AP1G1: variants seen among roughly 807,000 people sequenced by gnomAD.
AP1G1 encodes AP-1 complex subunit gamma-1.
A neutral mutation model predicts 108.3 loss-of-function variants in AP1G1; 7 were observed. The ratio of observed to expected loss-of-function variants is 0.06; its 90% CI spans 0.04 to 0.12. The LOEUF is 0.12. Ranked by LOEUF, AP1G1 falls within the 10% of genes least tolerant of loss-of-function variation. The probability of loss-of-function intolerance (pLI) is 1.00; values close to 1 mark genes in which losing one functional copy is unlikely to be tolerated. For synonymous variants in AP1G1, 379 were observed against 353.5 expected (o/e 1.07, Z -0.81); for missense variants, 756 against 1,010.7 (o/e 0.75, Z 3.42).
chr16:71,808,272 G>T, intron 1 of AP1G1: 2 of 942,772 alleles, frequency 2.1e-6, no homozygotes, highest in Non-Finnish European at 2.7e-6. Context: ...AGGCGAGGCC[G>T]ATGTCCGGTT....
chr16:71,807,009 C>T (rs1387780707), intron 1 of AP1G1, among the ~76,000 whole-genome samples: 1 of 152,230 alleles, frequency 6.6e-6, no homozygotes, highest in African/African-American at 2.4e-5. Flanking sequence ...AACCACTAGA[C>T]TGTGATCTCA....
At position 71,807,854 on chromosome 16, in the gene AP1G1, T is replaced by C. The variant is rs184166950; in HGVS notation, c.-4+909A>G. 9.5e-5 allele frequency: 122 copies of C among 1,288,128 alleles called. No individual in the cohort carries two copies. In the Admixed American group the frequency reaches 1.2e-3, roughly 12 times the overall value. The allele number at this position is 1,288,128 out of a possible 1,614,324, so 79.8% of individuals were successfully genotyped here. A position where few individuals can be genotyped will look rare whatever the true frequency, so the allele number is the denominator to read the frequency against. On this transcript the variant is annotated intron_variant, in intron 1 of 22. Coordinates refer to ENST00000299980, the MANE Select transcript of AP1G1 (RefSeq NM_001128.6). ...GATTTCCGTGCTCAGGGATATATAA[T>C]AGGGGAGAAAAAAAAATACCACACA...
Position 71,731,005 on chromosome 16 carries a change from T to G in AP1G1, c.*2053A>C, listed in dbSNP as rs530809543. The G allele has an allele frequency of 6.6e-6, 1 of 152,620 alleles. No homozygotes were observed. Among genetic ancestry groups the G allele is most frequent in the South Asian group, 2.1e-4 (1 of 4,828 alleles). The allele number at this position is 152,620 out of a possible 1,614,324, so 9.5% of individuals were successfully genotyped here. On this transcript the variant is annotated 3_prime_UTR_variant, in exon 23 of 23. Transcript: ENST00000299980. ...AATATAAGAGAGAAAATAAAGCCTC[T>G]ACACAAAGAGGAATGTTAAGACAAA...
chr16:71,732,663 A>AACT lies in AP1G1; in HGVS notation c.*394_*395insAGT. The AACT allele has an allele frequency of 6.1e-6, 1 of 163,862 alleles. No homozygotes were observed. The highest frequency in any genetic ancestry group is 2.4e-5 in the African/African-American group (1 of 41,958). The allele number at this position is 163,862 out of a possible 1,614,324, so 10.2% of individuals were successfully genotyped here. ...CCAGTCCACAGAGAAACAACAGTAG[A>AACT]AAGAAGGGGCAACTCTTTGCTGCAG... On this transcript the variant is annotated 3_prime_UTR_variant, in exon 23 of 23. Coordinates refer to ENST00000299980, the MANE Select transcript of AP1G1 (RefSeq NM_001128.6).
At chr16:71,740,409 A>T (rs2045604344) in intron 19 of AP1G1, among the ~76,000 whole-genome samples, 1 of 152,244 alleles carries the variant, frequency 6.6e-6, no homozygotes, top group Admixed American at 6.5e-5. Flanking sequence ...AATGCTTTTA[A>T]TTAATCCTTG....
rs772009988 is a variant in AP1G1, at chr16:71,765,540, G to C, written c.687C>G (p.Ser229=). Residue 229 remains serine (S), a synonymous_variant, in exon 7 of 23, where the codon TCC becomes TCG. Transcript: ENST00000299980. ...AAACATCATGTTCTGGTGAATATCC[G>C]GACATGATGAGGTTCTTTAAAATAC... is the stretch of plus-strand genomic sequence containing the variant. ...LVRILKNLIM[S]GYSPEHDVSG... is the part of the protein sequence containing the mutation. 7 of 1,613,382 alleles carry C rather than the reference G, an allele frequency of 4.3e-6. No homozygotes were observed. The Admixed American group carries it at 6.7e-5, about 15-fold the overall frequency.
chr16:71,752,081 A>T (rs187589730), intron 13 of AP1G1, among the ~76,000 whole-genome samples: 3 of 152,326 alleles, frequency 2.0e-5, no homozygotes, highest in East Asian at 1.9e-4. Context: ...AAGGCTGGTT[A>T]GGCATTCAAA....
At chr16:71,769,536 CAA>C in intron 6 of AP1G1, 85 bp downstream of exon 6, 3 of 1,294,234 alleles carry the variant, frequency 2.3e-6, no homozygotes, top group South Asian at 1.2e-5. Context: ...AGCTTGCTTT[CAA>C]AAAAAAATAA....
intron 9 of AP1G1, 67 bp from the exon 10 acceptor site, chr16:71,761,634 A>C: frequency 8.1e-7 from 1 of 1,240,000 alleles, no homozygotes. Context: ...CTGAGTTTAA[A>C]GGATCACTTC....
At chr16:71,779,897 T>C (rs1358880589) in intron 2 of AP1G1, among the ~76,000 whole-genome samples, 1 of 152,144 alleles carries the variant, frequency 6.6e-6, no homozygotes, top group East Asian at 1.9e-4. Context: ...GGCGGGAGTA[T>C]TCCTTAAGCC....
chr16:71,777,106 C>CAAAA (rs57955419), intron 2 of AP1G1, among the ~76,000 whole-genome samples: 5 of 48,062 alleles, frequency 1.0e-4, no homozygotes, highest in African/African-American at 1.7e-4. Flanking sequence ...CAAACTGTTA[C>CAAAA]AAAAAAAAAA....
At chr16:71,787,392 G>T (rs2032243465) in intron 2 of AP1G1, among the ~76,000 whole-genome samples, 3 of 152,094 alleles carry the variant, frequency 2.0e-5, no homozygotes, top group Admixed American at 2.0e-4. Flanking sequence ...GACTCGAGAG[G>T]CTGAGGTAGG....
In AP1G1 at chr16:71,757,382, CG is replaced by C. The variant is rs372793292; in HGVS notation, c.1089-1224del. On this transcript the variant is annotated intron_variant, in intron 11 of 22. Transcript: ENST00000299980. ...AGGAGAATCGCTTGAACTCAGGAGACGGAAGTTGCAGTGAGCCGAGGTCGCA... is the reference window on the plus strand; with the variant it reads ...AGGAGAATCGCTTGAACTCAGGAGACGAAGTTGCAGTGAGCCGAGGTCGCA... Among the ~76,000 whole-genome samples, 307 of 144,302 alleles carry C rather than the reference CG, an allele frequency of 2.1e-3. 2 individuals carry two copies. The highest frequency in any genetic ancestry group is 7.3e-3 in the African/African-American group (288 of 39,662). 94.7% of individuals were successfully genotyped at this position (144,302 alleles called of 152,430 possible).
At chr16:71,758,018 A>G (rs2030889102) in intron 11 of AP1G1, among the ~76,000 whole-genome samples, 1 of 152,346 alleles carries the variant, frequency 6.6e-6, no homozygotes, top group Non-Finnish European at 1.5e-5. Flanking sequence ...AAAGCACTAT[A>G]TAAAAGTTGG....
At position 71,739,233 on chromosome 16, in the gene AP1G1, C is replaced by A; in HGVS notation, c.2107+1G>T. 6.2e-7 allele frequency: 1 copy of A among 1,612,638 alleles called. No individual in the cohort carries two copies. The highest frequency in any genetic ancestry group is 1.1e-5 in the South Asian group (1 of 90,936). On this transcript the variant is annotated splice_donor_variant, in intron 20 of 22. Transcript: ENST00000299980. LOFTEE classifies it high-confidence loss of function. ...AATGATGGTAACAACAGTCATCGTA[C>A]CTGCAGCAATATCATTGAAGAGAGG...
At chr16:71,739,444 C>A in intron 19 of AP1G1, 103 bp from the exon 20 acceptor site, 1 of 896,494 alleles carries the variant, frequency 1.1e-6, no homozygotes, top group Non-Finnish European at 1.6e-6. Flanking sequence ...AGGAAAGATT[C>A]CTTAAACAAG....
chr16:71,800,851 G>A (rs944355437), intron 1 of AP1G1, among the ~76,000 whole-genome samples: 7 of 151,154 alleles, frequency 4.6e-5, no homozygotes, highest in Admixed American at 2.0e-4. Flanking sequence ...CAAACTTAGC[G>A]GGGCATGGTG....
chr16:71,740,444 CA>C (rs1365740184), intron 19 of AP1G1, among the ~76,000 whole-genome samples: 1 of 152,126 alleles, frequency 6.6e-6, no homozygotes, highest in Non-Finnish European at 1.5e-5. Context: ...GAGATACATC[CA>C]AAAGCATTCA....
At chr16:71,789,153 C>T in intron 2 of AP1G1, 126 bp downstream of exon 2, 1 of 854,704 alleles carries the variant, frequency 1.2e-6, no homozygotes, top group East Asian at 2.7e-5. Context: ...TCAATCTTAC[C>T]CTCAGTTCCA....
Sources: gnomAD v4.1 joint callset for allele counts (sites outside exome capture counted in the v4.1 genomes callset) on GRCh38, gnomAD v4.1.1 for gene constraint, MANE v1.5 for transcripts, NCBI Gene and HGNC (gene_info 2026-07-23, HGNC 2026-07-21) for gene names.